The following CRB1 variants were observed in gnomAD, a reference collection of about 807,000 sequenced individuals.
CRB1 encodes the protein crumbs cell polarity complex component 1, also known as protein crumbs homolog 1.
CRB1 carries 83 observed loss-of-function variants against 120.0 expected under a neutral mutation model. The ratio of observed to expected loss-of-function variants is 0.69; its 90% CI spans 0.58 to 0.83. The LOEUF (loss-of-function observed/expected upper bound fraction) is 0.83. Ranked by LOEUF, CRB1 falls within the 40% of genes least tolerant of loss-of-function variation. CRB1 has a pLI of 0.00. For missense variants in CRB1, 1,699 were observed against 1,687.6 expected (o/e 1.01, Z -0.12); for synonymous variants, 625 against 612.5 (o/e 1.02, Z -0.30).
At chr1:197,236,516 A>G in the CRB1 span, among the ~76,000 whole-genome samples, 1 of 152,124 alleles carries the variant, frequency 6.6e-6, no homozygotes, top group East Asian at 1.9e-4. Context: ...ATTTCCTTTT[A>G]TTGACTTATT....
Position 197,328,670 on chromosome 1 carries a change from T to C in CRB1, c.319T>C (p.Cys107Arg). 6.2e-7 allele frequency: 1 copy of C among 1,614,038 alleles called. No individual in the cohort carries two copies. The highest frequency in any genetic ancestry group is 8.5e-7 in the Non-Finnish European group (1 of 1,179,906). ...KCPPGYSGTI[C>R]ETTIGSCGKN... ...TCCTCCTGGGTACAGTGGGACAATC[T>C]GTGAAACTACCATTGGTTCCTGTGG... The change falls in exon 2 of 12, where the codon TGT becomes CGT. Residue 107 changes from cysteine (C) to arginine (R), a missense_variant. Physicochemically the swap from Cys to Arg is radical, Grantham distance 180 (BLOSUM62 -3). Transcript: ENST00000367400.
At chr1:197,212,585 G>T in the CRB1 span, among the ~76,000 whole-genome samples, 1 of 152,162 alleles carries the variant, frequency 6.6e-6, no homozygotes, top group Admixed American at 6.5e-5. Context: ...TCAGTTTGTT[G>T]TGTGGAGACA....
chr1:197,296,635 C>A (rs1445427319), intron 1 of CRB1, among the ~76,000 whole-genome samples: 2 of 152,012 alleles, frequency 1.3e-5, no homozygotes, highest in Admixed American at 6.6e-5. Flanking sequence ...TGTCTGGTAA[C>A]CAAGTTGATA....
At chr1:197,332,915 C>G (rs1207998993) in intron 2 of CRB1, among the ~76,000 whole-genome samples, 2 of 152,038 alleles carry the variant, frequency 1.3e-5, no homozygotes, top group Non-Finnish European at 2.9e-5. Context: ...GTCTGTAGAA[C>G]CAAGGGAAAA....
chr1:197,429,359 T>C, intron 7 of CRB1, 90 bp from the exon 8 acceptor site: 1 of 1,500,368 alleles, frequency 6.7e-7, no homozygotes, highest in Non-Finnish European at 9.3e-7. Context: ...GAAATTAGCA[T>C]TTTAAAAAAA....
intron 2 of CRB1, among the ~76,000 whole-genome samples, chr1:197,339,174 A>C (rs1179730248): frequency 6.6e-6 from 1 of 152,258 alleles, no homozygotes; most frequent in Non-Finnish European, 1.5e-5. Context: ...ATAATTATCC[A>C]CGTTTAATCT....
chr1:197,353,177 C>T (rs1312403334), intron 4 of CRB1, among the ~76,000 whole-genome samples: 1 of 152,002 alleles, frequency 6.6e-6, no homozygotes, highest in East Asian at 1.9e-4. Flanking sequence ...TTTATATCTG[C>T]CCATGATGGA....
chr1:197,429,864 GA>G (rs2125489842), intron 8 of CRB1, among the ~76,000 whole-genome samples: 1 of 152,250 alleles, frequency 6.6e-6, no homozygotes, highest in Admixed American at 6.5e-5. Context: ...CTGATTTCCT[GA>G]AAAAGAATTA....
At chr1:197,326,519 T>A (rs1571843464) in intron 1 of CRB1, among the ~76,000 whole-genome samples, 1 of 151,922 alleles carries the variant, frequency 6.6e-6, no homozygotes, top group African/African-American at 2.4e-5. Flanking sequence ...TCATCCCAGC[T>A]CTTTGGGAGG....
At chr1:197,350,283 C>T (rs1284567700) in intron 4 of CRB1, among the ~76,000 whole-genome samples, 1 of 152,088 alleles carries the variant, frequency 6.6e-6, no homozygotes, top group Non-Finnish European at 1.5e-5. Flanking sequence ...TCCTCTTCAT[C>T]TCTAAGTTCC....
At chr1:197,261,559 T>A in the CRB1 span, among the ~76,000 whole-genome samples, 68 of 152,304 alleles carry the variant, frequency 4.5e-4, no homozygotes, top group African/African-American at 1.6e-3. Flanking sequence ...TATTCATCTA[T>A]CCATCATCTA....
intron 5 of CRB1, among the ~76,000 whole-genome samples, chr1:197,371,368 C>T (rs1661361774): frequency 6.6e-6 from 1 of 152,112 alleles, no homozygotes; most frequent in Non-Finnish European, 1.5e-5. Flanking sequence ...TGCCAAATCT[C>T]ATGGGGCCTT....
chr1:197,225,083 C>A, the CRB1 span, among the ~76,000 whole-genome samples: 1 of 152,030 alleles, frequency 6.6e-6, no homozygotes, highest in Non-Finnish European at 1.5e-5. Context: ...ACAACCTCAA[C>A]AAATAGGTAT....
chr1:197,268,261 A>C lies in CRB1; in HGVS notation c.-152A>C, dbSNP rs1021846629. On this transcript the variant is annotated 5_prime_UTR_variant, in exon 1 of 12. Coordinates refer to ENST00000367400, the MANE Select transcript of CRB1 (RefSeq NM_201253.3). ...CTGCATTTTGAATCTAAGTCCCTGT[A>C]TTTTCTGTGAAGGAGCTGTAAGTAG... 1 of 706,528 alleles carries C rather than the reference A, an allele frequency of 1.4e-6. No individual in the cohort carries two copies. The highest frequency in any genetic ancestry group is 2.6e-5 in the East Asian group (1 of 38,542). The allele number at this position is 706,528 out of a possible 1,614,324, so 43.8% of individuals were successfully genotyped here. A position where few individuals can be genotyped will look rare whatever the true frequency, so the allele number is the denominator to read the frequency against.
intron 5 of CRB1, among the ~76,000 whole-genome samples, chr1:197,364,357 G>A (rs1020490047): frequency 6.6e-6 from 1 of 152,114 alleles, no homozygotes; most frequent in African/African-American, 2.4e-5. Flanking sequence ...ATATGACTTG[G>A]TGTTAACTTA....
chr1:197,388,388 A>C (rs1662328832), intron 5 of CRB1, among the ~76,000 whole-genome samples: 1 of 152,060 alleles, frequency 6.6e-6, no homozygotes, highest in Non-Finnish European at 1.5e-5. Flanking sequence ...TAAGAAAAAA[A>C]ACTCAATTTC....
chr1:197,288,060 G>A (rs963251247), intron 1 of CRB1, among the ~76,000 whole-genome samples: 5 of 151,816 alleles, frequency 3.3e-5, no homozygotes, highest in African/African-American at 1.2e-4. Context: ...ATAGAGAGCC[G>A]AGTGTTTGAG....
chr1:197,225,706 C>T, the CRB1 span, among the ~76,000 whole-genome samples: 1 of 152,150 alleles, frequency 6.6e-6, no homozygotes, highest in South Asian at 2.1e-4. Flanking sequence ...GCTTAACAGC[C>T]ATTTTGGATC....
rs775185174 is a variant in CRB1, at chr1:197,429,550, G to A, written c.2778G>A (p.Gln926=). Residue 926 remains glutamine, a synonymous_variant, in exon 8 of 12, where the codon CAG becomes CAA. Transcript: ENST00000367400. ...LTSGKACEEV[Q]WCGFSPCPHG... is the part of the protein sequence containing the mutation. ...GTGGGAAAGCCTGTGAGGAGGTTCA[G>A]TGGTGTGGATTCAGCCCGTGTCCTC... 3.1e-6 allele frequency: 5 copies of A among 1,613,950 alleles called. No homozygotes were observed. The highest frequency in any genetic ancestry group is 3.4e-6 in the Non-Finnish European group (4 of 1,179,988).
Sources: gnomAD v4.1 joint callset for allele counts (sites outside exome capture counted in the v4.1 genomes callset) on GRCh38, gnomAD v4.1.1 for gene constraint, MANE v1.5 for transcripts, NCBI Gene and HGNC (gene_info 2026-07-23, HGNC 2026-07-21) for gene names.